Variants in PPARGC1A observed in about 807,000 individuals in gnomAD.
PPARGC1A encodes peroxisome proliferator-activated receptor gamma coactivator 1-alpha.
Under a neutral mutation model 88.7 loss-of-function variants are expected in PPARGC1A, and 25 were observed. The observed-to-expected ratio is 0.28, with a 90% CI of 0.21 to 0.39. The LOEUF is 0.39. Among genes scored for constraint, PPARGC1A ranks in the 10% least tolerant of loss-of-function variants. The pLI, the probability that PPARGC1A is intolerant of heterozygous loss-of-function variation, is 1.00. For missense variants in PPARGC1A, 880 were observed against 968.7 expected (o/e 0.91, Z 1.22); for synonymous variants, 363 against 355.6 (o/e 1.02, Z -0.24).
intron 7 of PPARGC1A, chr4:23,820,671 A>G: frequency 2.3e-6 from 1 of 433,164 alleles, no homozygotes; most frequent in Non-Finnish European, 4.7e-6. Flanking sequence ...TATCAGCCAA[A>G]ATGAGCTAGT....
chr4:24,403,657 G>A, the PPARGC1A span, among the ~76,000 whole-genome samples: 4 of 152,174 alleles, frequency 2.6e-5, no homozygotes, highest in African/African-American at 9.7e-5. Flanking sequence ...CACTTCCCCA[G>A]AAGATCTCTT....
At chr4:24,208,487 C>T in the PPARGC1A span, among the ~76,000 whole-genome samples, 6 of 151,898 alleles carry the variant, frequency 4.0e-5, no homozygotes, top group African/African-American at 1.2e-4. Flanking sequence ...GTAAAACAGA[C>T]CAAAACAGAC....
chr4:24,357,684 G>A, the PPARGC1A span, among the ~76,000 whole-genome samples: 12 of 152,134 alleles, frequency 7.9e-5, no homozygotes, highest in Admixed American at 1.3e-4. Context: ...GGAGAGACCC[G>A]GTGGGAGATA....
intron 2 of PPARGC1A, chr4:23,881,067 C>A (rs1308917906): frequency 6.6e-6 from 1 of 152,218 alleles, no homozygotes; most frequent in African/African-American, 2.4e-5. Context: ...TAACCCCATG[C>A]CATCCATCTT....
At chr4:23,959,920 G>C in the PPARGC1A span, among the ~76,000 whole-genome samples, 1 of 152,118 alleles carries the variant, frequency 6.6e-6, no homozygotes, top group African/African-American at 2.4e-5. Flanking sequence ...CAAAAGCAGA[G>C]GGGAAACCTT....
At chr4:23,863,033 A>C (rs1243132502) in intron 2 of PPARGC1A, among the ~76,000 whole-genome samples, 3 of 152,110 alleles carry the variant, frequency 2.0e-5, no homozygotes, top group Non-Finnish European at 4.4e-5. Flanking sequence ...TTGTTAACCA[A>C]GCCCAAATTC....
chr4:24,393,968 T>C, the PPARGC1A span, among the ~76,000 whole-genome samples: 1 of 152,090 alleles, frequency 6.6e-6, no homozygotes, highest in South Asian at 2.1e-4. Flanking sequence ...AAAATATATA[T>C]GTTAAAGAGA....
chr4:24,177,228 C>A, the PPARGC1A span, among the ~76,000 whole-genome samples: 1 of 152,124 alleles, frequency 6.6e-6, no homozygotes, highest in East Asian at 1.9e-4. Context: ...AAATGTCCAA[C>A]AATGATAGAC....
At chr4:24,304,025 A>G in the PPARGC1A span, among the ~76,000 whole-genome samples, 2 of 152,232 alleles carry the variant, frequency 1.3e-5, no homozygotes, top group Non-Finnish European at 2.9e-5. Flanking sequence ...GCAAACCCCC[A>G]CAACTCCCTT....
At chr4:23,972,416 G>A in the PPARGC1A span, among the ~76,000 whole-genome samples, 3 of 152,186 alleles carry the variant, frequency 2.0e-5, no homozygotes, top group Admixed American at 6.5e-5. Flanking sequence ...TACTCATTGG[G>A]ATTGCAGATG....
At chr4:23,866,162 C>T (rs922794235) in intron 2 of PPARGC1A, 1 of 152,124 alleles carries the variant, frequency 6.6e-6, no homozygotes, top group East Asian at 1.9e-4. Context: ...TTGCTTTCTG[C>T]TTTTAAATTA....
At chr4:24,137,999 C>T in the PPARGC1A span, among the ~76,000 whole-genome samples, 62 of 152,228 alleles carry the variant, frequency 4.1e-4, no homozygotes, top group African/African-American at 8.7e-4. Context: ...GATTGTCATG[C>T]GAGCCCCTGA....
At chr4:24,319,398 CTGAGA>C in the PPARGC1A span, among the ~76,000 whole-genome samples, 4 of 152,008 alleles carry the variant, frequency 2.6e-5, no homozygotes, top group Non-Finnish European at 5.9e-5. Context: ...CAACTTTGTC[CTGAGA>C]TGAGAGTTGC....
At chr4:24,041,943 T>A in the PPARGC1A span, among the ~76,000 whole-genome samples, 1 of 152,032 alleles carries the variant, frequency 6.6e-6, no homozygotes, top group African/African-American at 2.4e-5. Flanking sequence ...GAAAGAAATC[T>A]CTGAATAATC....
At chr4:23,901,872 G>C (rs902247098), upstream of PPARGC1A, among the ~76,000 whole-genome samples, 1 of 152,102 alleles carries the variant, frequency 6.6e-6, no homozygotes, top group Non-Finnish European at 1.5e-5. Flanking sequence ...TTTTGTCTTA[G>C]ATATTTAAGG....
chr4:24,354,122 G>C, the PPARGC1A span, among the ~76,000 whole-genome samples: 1 of 152,058 alleles, frequency 6.6e-6, no homozygotes, highest in South Asian at 2.1e-4. Flanking sequence ...TCAGTTCCTT[G>C]CACACAGCCT....
chr4:24,204,093 T>A, the PPARGC1A span, among the ~76,000 whole-genome samples: 1 of 152,158 alleles, frequency 6.6e-6, no homozygotes. Flanking sequence ...ATAGTATCAG[T>A]TAGAAAACTT....
At chr4:24,319,104 G>T in the PPARGC1A span, among the ~76,000 whole-genome samples, 1 of 152,104 alleles carries the variant, frequency 6.6e-6, no homozygotes, top group Admixed American at 6.5e-5. Flanking sequence ...CCCACACTTC[G>T]GGAGGCAGAG....
At chr4:24,468,435 GCA>G in the PPARGC1A span, among the ~76,000 whole-genome samples, 1 of 152,004 alleles carries the variant, frequency 6.6e-6, no homozygotes, top group East Asian at 1.9e-4. Context: ...GCTCCCCCCC[GCA>G]CACACACACT....
Sources: allele counts gnomAD v4.1 joint callset (sites outside exome capture counted in the v4.1 genomes callset), GRCh38; gene constraint gnomAD v4.1.1; transcripts MANE v1.5; gene names NCBI Gene and HGNC (gene_info 2026-07-23, HGNC 2026-07-21).